The following MPV17 variants were observed in gnomAD, a reference collection of about 807,000 sequenced individuals.
MPV17 encodes the protein MPV17, mitochondrial inner membrane protein.
In MPV17, 31 loss-of-function variants were observed where a neutral mutation model predicts 28.6. That is an observed-to-expected ratio of 1.08 (90% confidence interval 0.81 to 1.46). The LOEUF is 1.46. Among genes scored for constraint, MPV17 ranks in the 40% most tolerant of loss-of-function variants. MPV17 has a pLI of 0.00. For synonymous variants in MPV17, 87 were observed against 85.3 expected (o/e 1.02, Z -0.11); for missense variants, 198 against 216.2 (o/e 0.92, Z 0.53).
chr2:27,317,420 C>A lies in MPV17; in HGVS notation c.71-4311G>T, dbSNP rs558509048. Among the ~76,000 whole-genome samples, 1 of 152,178 alleles carries A rather than the reference C, an allele frequency of 6.6e-6. No individual in the cohort carries two copies. The highest frequency in any genetic ancestry group is 2.4e-5 in the African/African-American group (1 of 41,434). The stretch of plus-strand genomic sequence containing the variant: ...AAACGGGTAGTTTTGCAGCTTGTTA[C>A]GTATCTAAGCTCAGATCAGCTGGGG... On this transcript the variant is annotated intron_variant, in intron 2 of 7. Transcript: ENST00000380044. The surrounding 1 kb of genome is among the most constrained non-coding windows in gnomAD (Gnocchi z 4.0).
rs371775551 is a variant in MPV17, at chr2:27,312,481, C to T, written c.375+13G>A. The T allele has an allele frequency of 6.8e-6, 11 of 1,613,530 alleles. No individual in the cohort carries two copies. The highest frequency in any genetic ancestry group is 2.2e-5 in the South Asian group (2 of 91,072). On this transcript the variant is annotated intron_variant, in intron 5 of 7. Coordinates refer to ENST00000380044, the MANE Select transcript of MPV17 (RefSeq NM_002437.5). ...CGCCAGCCAGAGACATTCTCCACAC[C>T]TGCCCAGCTCACCCGCTGTAGTTTG... is the stretch of plus-strand genomic sequence containing the variant.
At chr2:27,313,263 T>A in intron 2 of MPV17, 154 bp from the exon 3 acceptor site, 1 of 1,507,652 alleles carries the variant, frequency 6.6e-7, no homozygotes, top group Non-Finnish European at 9.0e-7. Context: ...TCCTGCTGCC[T>A]CAAAGCCCTC....
chr2:27,314,583 C>T (rs939445046), intron 2 of MPV17, among the ~76,000 whole-genome samples: 1 of 152,186 alleles, frequency 6.6e-6, no homozygotes, highest in African/African-American at 2.4e-5. Context: ...TATTTAGACA[C>T]CCACACCCAG....
At chr2:27,315,313 C>T (rs1866568) in intron 2 of MPV17, among the ~76,000 whole-genome samples, 9,984 of 152,214 alleles carry the variant, frequency 0.066, 857 homozygotes, top group African/African-American at 0.2. Flanking sequence ...GGTTTGCTCC[C>T]ACCCGCACCC....
In MPV17 at chr2:27,322,489, G is replaced by T; in HGVS notation, c.29C>A (p.Ala10Asp). 6.2e-7 allele frequency: 1 copy of T among 1,614,020 alleles called. No homozygotes were observed. The change falls in exon 2 of 8, where the codon GCC (alanine) becomes GAC (aspartate). Residue 10 changes from alanine to aspartate, a missense_variant. Ala to Asp is a moderately radical substitution (Grantham distance 126). Coordinates refer to ENST00000380044, the MANE Select transcript of MPV17 (RefSeq NM_002437.5). ...TACTTTCCACGGGTGAGCGGCCAGG[G>T]CCCGCTGGTATGCCCGCCAGAGTGC... The part of the protein sequence containing the change: MALWRAYQR[A>D]LAAHPWKVQV...
rs575558175 is a variant in MPV17, at chr2:27,313,016, A to G, written c.164T>C (p.Val55Ala). ...EHQRGRTLTM[V>A]SLGCGFVGPV... Reference sequence around the variant, plus strand: ...TACCACAAAGCCACAGCCCAGGGACACCATGGTCAGAGTCCGGCCTCTCTG... The same window carrying G: ...TACCACAAAGCCACAGCCCAGGGACGCCATGGTCAGAGTCCGGCCTCTCTG... Residue 55 changes from valine to alanine, a missense_variant, in exon 3 of 8, where the codon GTG becomes GCG. Val to Ala is a moderately conservative substitution (Grantham distance 64). Coordinates refer to ENST00000380044, the MANE Select transcript of MPV17 (RefSeq NM_002437.5). 47 of 1,614,172 alleles carry G rather than the reference A, an allele frequency of 2.9e-5. 1 individual carries two copies. The South Asian group carries it at 4.5e-4, about 15-fold the overall frequency.
At chr2:27,312,840 C>A in intron 3 of MPV17, 68 bp from the exon 4 acceptor site, 2 of 1,563,946 alleles carry the variant, frequency 1.3e-6, no homozygotes, top group Non-Finnish European at 1.8e-6. Flanking sequence ...TCACTAAGCT[C>A]CCTGCCCCAA....
intron 2 of MPV17, among the ~76,000 whole-genome samples, chr2:27,321,183 G>A (rs1423994228): frequency 1.3e-5 from 2 of 152,258 alleles, no homozygotes; most frequent in Non-Finnish European, 2.9e-5. Context: ...CCATCTGGCA[G>A]TTATGGGCCC....
At chr2:27,314,870 G>A (rs3769144) in intron 2 of MPV17, among the ~76,000 whole-genome samples, 4 of 152,220 alleles carry the variant, frequency 2.6e-5, no homozygotes, top group Non-Finnish European at 5.9e-5. Context: ...TCACTGTTGC[G>A]TTCTTCCTCC....
intron 6 of MPV17, 78 bp downstream of exon 6, chr2:27,312,136 C>T (rs1464754730): frequency 6.5e-7 from 1 of 1,537,620 alleles, no homozygotes; most frequent in Non-Finnish European, 9.0e-7. Context: ...TTTCCCATGT[C>T]AGGAGGACCC....
At chr2:27,322,692 C>A in intron 1 of MPV17, 170 bp from the exon 2 acceptor site, 1 of 627,812 alleles carries the variant, frequency 1.6e-6, no homozygotes, top group Non-Finnish European at 2.8e-6. Context: ...TCGCAGGAGT[C>A]GCCTTAGACA....
At chr2:27,312,290 G>A in intron 5 of MPV17, 44 bp from the exon 6 acceptor site, 1 of 1,603,230 alleles carries the variant, frequency 6.2e-7, no homozygotes. Context: ...GCGCCTCCAA[G>A]CAGCTCCCAC....
In MPV17 at chr2:27,318,772, C is replaced by A. The variant is rs188158892; in HGVS notation, c.70+3676G>T. ...AAGAGTATTTCTTTTCTTTTCTTTTCTTTTTTTTTGGAGATGGAGTCTCGC... is the reference window on the plus strand; with the variant it reads ...AAGAGTATTTCTTTTCTTTTCTTTTATTTTTTTTTGGAGATGGAGTCTCGC... On this transcript the variant is annotated intron_variant, in intron 2 of 7. Coordinates refer to ENST00000380044, the MANE Select transcript of MPV17 (RefSeq NM_002437.5). Among the ~76,000 whole-genome samples the A allele has an allele frequency of 5.9e-3, 888 of 150,846 alleles. 5 individuals carry two copies. Among genetic ancestry groups the A allele is most frequent in the African/African-American group, 0.021 (846 of 41,158 alleles).
intron 2 of MPV17, 37 bp downstream of exon 2, chr2:27,322,411 T>G (rs774657850): frequency 1.3e-6 from 2 of 1,574,530 alleles, no homozygotes; most frequent in Non-Finnish European, 1.7e-6. Flanking sequence ...CAAATCAGTC[T>G]GCCCTGGTCC....
chr2:27,316,291 T>C (rs950797164), intron 2 of MPV17: 2 of 1,341,348 alleles, frequency 1.5e-6, no homozygotes, highest in Non-Finnish European at 2.1e-6. Context: ...GTCCCTGACT[T>C]CTAGCCCCAT....
chr2:27,311,858 C>T (rs188939930), intron 7 of MPV17, 41 bp downstream of exon 7: 5 of 1,608,656 alleles, frequency 3.1e-6, no homozygotes, highest in Non-Finnish European at 3.4e-6. Context: ...CTGTTGGTAA[C>T]GTGGGTCTTC....
chr2:27,311,712 C>G, intron 7 of MPV17, 187 bp downstream of exon 7: 1 of 1,551,502 alleles, frequency 6.4e-7, no homozygotes, highest in East Asian at 2.4e-5. Context: ...GGCAGACACT[C>G]TGGGACAGTT....
chr2:27,312,556 G>A lies in MPV17; in HGVS notation c.313C>T (p.Leu105Phe), dbSNP rs758469630. Residue 105 changes from leucine to phenylalanine, a missense_variant, in exon 5 of 8, where the codon CTC (leucine) becomes TTC (phenylalanine). Coordinates refer to ENST00000380044, the MANE Select transcript of MPV17 (RefSeq NM_002437.5). ...GFAPCFLGCF[L>F]PLVGALNGLS... ...CCATTAAGTGCCCCTACCAGTGGGA[G>A]AAAGCAGCCTAGAAAACACGGGGCA... 4 of 1,614,192 alleles carry A rather than the reference G, an allele frequency of 2.5e-6. No individual in the cohort carries two copies. Among genetic ancestry groups the A allele is most frequent in the Non-Finnish European group, 2.5e-6 (3 of 1,180,010 alleles).
Position 27,311,919 on chromosome 2 carries a change from G to A in MPV17, c.441C>T (p.Tyr147=), listed in dbSNP as rs762053119. The change falls in exon 7 of 8, where the codon TAC becomes TAT. Residue 147 remains tyrosine (Y), a synonymous_variant. Transcript: ENST00000380044. Reference sequence around the variant, plus strand: ...CATACCTGTAATGAAGGGGGACCAGGTAGAAGTTGGCTAACTGCACAGCAG... The same window carrying A: ...CATACCTGTAATGAAGGGGGACCAGATAGAAGTTGGCTAACTGCACAGCAG... ...LWPAVQLANF[Y]LVPLHYRLAV... The A allele has an allele frequency of 1.2e-6, 2 of 1,613,742 alleles. No homozygotes were observed. The highest frequency in any genetic ancestry group is 2.2e-5 in the East Asian group (1 of 44,898).
Sources: allele counts gnomAD v4.1 joint callset (sites outside exome capture counted in the v4.1 genomes callset), GRCh38; gene constraint gnomAD v4.1.1; non-coding constraint Gnocchi (gnomAD v3.1); transcripts MANE v1.5; gene names NCBI Gene and HGNC (gene_info 2026-07-23, HGNC 2026-07-21).